TM9SF2: variants seen among roughly 807,000 people sequenced by gnomAD.
TM9SF2 encodes the protein transmembrane 9 superfamily member 2.
In TM9SF2, 13 loss-of-function variants were observed where a neutral mutation model predicts 84.9. That is an observed-to-expected ratio of 0.15 (90% CI 0.10 to 0.24). The LOEUF is 0.24. Among genes scored for constraint, TM9SF2 ranks in the 10% least tolerant of loss-of-function variants. The pLI, the probability that TM9SF2 is intolerant of heterozygous loss-of-function variation, is 1.00. For synonymous variants in TM9SF2, 273 were observed against 285.8 expected (o/e 0.96, Z 0.45); for missense variants, 562 against 818.5 (o/e 0.69, Z 3.82).
intron 9 of TM9SF2, 96 bp from the exon 10 acceptor site, chr13:99,543,767 T>A: frequency 6.8e-7 from 1 of 1,469,706 alleles, no homozygotes. Flanking sequence ...AAAAAAAACC[T>A]GTTTTCTGTA....
At chr13:99,507,160 T>C (rs1307394239) in intron 1 of TM9SF2, among the ~76,000 whole-genome samples, 3 of 152,208 alleles carry the variant, frequency 2.0e-5, no homozygotes, top group Non-Finnish European at 4.4e-5. Flanking sequence ...TTAGTAGCTG[T>C]CTCAAGTGTA....
intron 8 of TM9SF2, 97 bp from the exon 9 acceptor site, chr13:99,541,462 A>G (rs908208021): frequency 8.7e-6 from 7 of 803,792 alleles, no homozygotes; most frequent in East Asian, 8.1e-5. Context: ...ATTTTGATCA[A>G]GACTGTTTTA....
At chr13:99,542,166 AAT>A (rs1491084582) in intron 9 of TM9SF2, among the ~76,000 whole-genome samples, 1 of 149,466 alleles carries the variant, frequency 6.7e-6, no homozygotes, top group South Asian at 2.2e-4. Flanking sequence ...AAAAAAAAAA[AAT>A]AGAAATGGAG....
chr13:99,539,847 C>T (rs2046250648), intron 7 of TM9SF2, among the ~76,000 whole-genome samples: 1 of 152,094 alleles, frequency 6.6e-6, no homozygotes, highest in African/African-American at 2.4e-5. Flanking sequence ...GATGGAAATG[C>T]CAGAGATATA....
intron 1 of TM9SF2, among the ~76,000 whole-genome samples, chr13:99,504,398 T>A (rs1361877081): frequency 6.6e-6 from 1 of 152,232 alleles, no homozygotes; most frequent in Non-Finnish European, 1.5e-5. Context: ...ATAATCATAT[T>A]TGATTATGAC....
chr13:99,520,952 G>A (rs996723943), intron 3 of TM9SF2, among the ~76,000 whole-genome samples: 1 of 152,130 alleles, frequency 6.6e-6, no homozygotes, highest in African/African-American at 2.4e-5. Context: ...ACAATATAAG[G>A]TATTCTTTTC....
chr13:99,561,453 A>C (rs1259506439), intron 16 of TM9SF2, among the ~76,000 whole-genome samples: 1 of 152,236 alleles, frequency 6.6e-6, no homozygotes, highest in Non-Finnish European at 1.5e-5. Flanking sequence ...AGTAAGTACA[A>C]AGTTATATAA....
chr13:99,520,909 C>T (rs939054162), intron 3 of TM9SF2, among the ~76,000 whole-genome samples: 2 of 152,200 alleles, frequency 1.3e-5, no homozygotes, highest in African/African-American at 4.8e-5. Flanking sequence ...ATCTTTGGTA[C>T]ATTTTTCGAA....
chr13:99,555,814 C>G (rs962255355), intron 15 of TM9SF2, among the ~76,000 whole-genome samples, 167 bp downstream of exon 15: 1 of 151,952 alleles, frequency 6.6e-6, no homozygotes, highest in Non-Finnish European at 1.5e-5. Context: ...TTAAGATATC[C>G]CAGTTCAGTA....
intron 15 of TM9SF2, 75 bp from the exon 16 acceptor site, chr13:99,559,288 G>T: frequency 7.6e-7 from 1 of 1,308,652 alleles, no homozygotes. Context: ...TATTATGCTT[G>T]CTTTGAACCT....
rs186810954 is a variant in TM9SF2 at position 99,516,644 on chromosome 13, A to G, written c.172-970A>G. Reference sequence around the variant, plus strand: ...GGAAAGTGTAGCTTAAAATTAGCCTATATTTCCCAGGAAGTTGATACAGCT... The same window carrying G: ...GGAAAGTGTAGCTTAAAATTAGCCTGTATTTCCCAGGAAGTTGATACAGCT... On this transcript the variant is annotated intron_variant, in intron 1 of 16. Coordinates refer to ENST00000376387, the MANE Select transcript of TM9SF2 (RefSeq NM_004800.3). Among the ~76,000 whole-genome samples, 10 of 152,290 alleles carry G rather than the reference A, an allele frequency of 6.6e-5. No homozygotes were observed. In the East Asian group the frequency reaches 9.6e-4, roughly 15 times the overall value.
intron 10 of TM9SF2, among the ~76,000 whole-genome samples, chr13:99,546,314 G>A (rs986381337): frequency 6.6e-6 from 1 of 152,140 alleles, no homozygotes. Flanking sequence ...TAACTTCTGA[G>A]CCCCAGCTTA....
chr13:99,562,594 G>A, intron 16 of TM9SF2, 97 bp from the exon 17 acceptor site: 5 of 1,220,436 alleles, frequency 4.1e-6, no homozygotes, highest in Non-Finnish European at 4.6e-6. Context: ...ATAGTTTTGC[G>A]ACTTTTTTAA....
At chr13:99,535,011 G>A (rs1423977562) in intron 4 of TM9SF2, among the ~76,000 whole-genome samples, 1 of 152,042 alleles carries the variant, frequency 6.6e-6, no homozygotes, top group Non-Finnish European at 1.5e-5. Context: ...AATTAGCCAG[G>A]TGTGATGGCA....
intron 11 of TM9SF2, among the ~76,000 whole-genome samples, chr13:99,547,315 C>T (rs2046286990): frequency 6.6e-6 from 1 of 152,174 alleles, no homozygotes; most frequent in African/African-American, 2.4e-5. Flanking sequence ...GTGAAACAAG[C>T]AAATTGTGCC....
chr13:99,527,854 T>G (rs9517759), intron 3 of TM9SF2, among the ~76,000 whole-genome samples: 116,983 of 152,128 alleles, frequency 0.77, 45,352 homozygotes, highest in Middle Eastern at 0.84. Context: ...TGCAAGGCAG[T>G]TACTGCGCCC....
chr13:99,549,868 C>G (rs540571784), intron 12 of TM9SF2, among the ~76,000 whole-genome samples: 2 of 152,304 alleles, frequency 1.3e-5, no homozygotes, highest in African/African-American at 4.8e-5. Context: ...CAGAACTGTT[C>G]CATTTGCAGG....
Position 99,501,529 on chromosome 13 carries a change from A to T in TM9SF2, c.-78A>T. 1 of 1,529,768 alleles carries T rather than the reference A, an allele frequency of 6.5e-7. No homozygotes were observed. The highest frequency in any genetic ancestry group is 8.8e-7 in the Non-Finnish European group (1 of 1,134,424). The allele number at this position is 1,529,768 out of a possible 1,614,324, so 94.8% of individuals were successfully genotyped here. A position where few individuals can be genotyped will look rare whatever the true frequency, so the allele number is the denominator to read the frequency against. On this transcript the variant is annotated 5_prime_UTR_variant, in exon 1 of 17. Coordinates refer to ENST00000376387, the MANE Select transcript of TM9SF2 (RefSeq NM_004800.3). ...CTTCCTTTATCTCTGGCGGCCTTGTAGTCGTCTCCGAGACTCCCCACCCCT... is the reference window on the plus strand; with the variant it reads ...CTTCCTTTATCTCTGGCGGCCTTGTTGTCGTCTCCGAGACTCCCCACCCCT...
At position 99,543,285 on chromosome 13, in the gene TM9SF2, A is replaced by G. The variant is rs7990490; in HGVS notation, c.1018-578A>G. 1.4e-3 allele frequency among the ~76,000 whole-genome samples: 215 copies of G among 152,320 alleles called. 1 individual carries two copies. Among genetic ancestry groups the G allele is most frequent in the African/African-American group, 4.9e-3 (202 of 41,576 alleles). On this transcript the variant is annotated intron_variant, in intron 9 of 16. Transcript: ENST00000376387. ...CAGCGCTTATTACCATCTAATGTAC[A>G]GTATACTTTCCTGACTTATTTTGTT...
Sources: allele counts gnomAD v4.1 joint callset (sites outside exome capture counted in the v4.1 genomes callset), GRCh38; gene constraint gnomAD v4.1.1; transcripts MANE v1.5; gene names NCBI Gene and HGNC (gene_info 2026-07-23, HGNC 2026-07-21).